R3HDM2: variants seen among roughly 807,000 people sequenced by gnomAD.
R3HDM2 encodes R3H domain-containing protein 2.
R3HDM2 carries 38 observed loss-of-function variants against 124.5 expected under a neutral mutation model. The observed-to-expected ratio is 0.31, with a 90% CI of 0.24 to 0.40. The LOEUF is 0.40. Ranked by LOEUF, R3HDM2 falls within the 10% of genes least tolerant of loss-of-function variation. The pLI is 1.00. For synonymous variants in R3HDM2, 391 were observed against 448.0 expected (o/e 0.87, Z 1.61); for missense variants, 869 against 1,236.9 (o/e 0.70, Z 4.46).
At chr12:57,413,824 G>A (rs558332064) in intron 1 of R3HDM2, among the ~76,000 whole-genome samples, 3 of 148,848 alleles carry the variant, frequency 2.0e-5, no homozygotes, top group Non-Finnish European at 3.0e-5. Flanking sequence ...GACACAGAGA[G>A]TCTTAGATCT....
At chr12:57,384,119 C>A (rs953955152) in intron 2 of R3HDM2, among the ~76,000 whole-genome samples, 7 of 151,888 alleles carry the variant, frequency 4.6e-5, no homozygotes, top group African/African-American at 1.2e-4. Flanking sequence ...CCCAGCACTT[C>A]GGGAGGTCGA....
intron 2 of R3HDM2, among the ~76,000 whole-genome samples, chr12:57,321,222 T>C (rs1410882379): frequency 5.3e-5 from 8 of 152,230 alleles, no homozygotes; most frequent in African/African-American, 1.9e-4. Flanking sequence ...TTTTGGATTA[T>C]GGATGGTCAA....
intron 3 of R3HDM2, among the ~76,000 whole-genome samples, chr12:57,309,284 T>C (rs2053419363): frequency 6.6e-6 from 1 of 152,128 alleles, no homozygotes; most frequent in Admixed American, 6.5e-5. Context: ...ATAAAACCAG[T>C]TTTCACCCCT....
chr12:57,327,152 C>G (rs2057412911), intron 2 of R3HDM2, among the ~76,000 whole-genome samples: 1 of 152,086 alleles, frequency 6.6e-6, no homozygotes, highest in African/African-American at 2.4e-5. Context: ...TTTAGACTTT[C>G]AAGTCTTATT....
intron 1 of R3HDM2, among the ~76,000 whole-genome samples, chr12:57,412,655 G>A (rs1167895149): frequency 1.3e-5 from 2 of 152,080 alleles, no homozygotes; most frequent in Admixed American, 6.6e-5. Flanking sequence ...GATATAAAGA[G>A]GGAAACAACT....
At chr12:57,424,742 T>C (rs2070555469) in intron 1 of R3HDM2, among the ~76,000 whole-genome samples, 1 of 152,080 alleles carries the variant, frequency 6.6e-6, no homozygotes, top group South Asian at 2.1e-4. Context: ...TCTCATTCTG[T>C]CACCCAGGCC....
chr12:57,415,087 A>G (rs776429112), intron 1 of R3HDM2, among the ~76,000 whole-genome samples: 8 of 152,098 alleles, frequency 5.3e-5, no homozygotes, highest in Non-Finnish European at 1.2e-4. Flanking sequence ...ATTTAAGACA[A>G]TTTTTATATT....
intron 1 of R3HDM2, among the ~76,000 whole-genome samples, chr12:57,429,523 G>A (rs975566247): frequency 6.6e-6 from 1 of 152,018 alleles, no homozygotes; most frequent in African/African-American, 2.4e-5. Context: ...AGGAGTTCCA[G>A]ACCAGCCTGG....
At chr12:57,325,924 A>G (rs947590436) in intron 2 of R3HDM2, among the ~76,000 whole-genome samples, 27 of 151,826 alleles carry the variant, frequency 1.8e-4, no homozygotes, top group African/African-American at 5.8e-4. Flanking sequence ...CATTTTTCCA[A>G]CAGCATGTGT....
intron 2 of R3HDM2, among the ~76,000 whole-genome samples, chr12:57,374,212 G>C (rs2063736730): frequency 6.6e-6 from 1 of 152,114 alleles, no homozygotes; most frequent in Non-Finnish European, 1.5e-5. Context: ...CAGCTACTCA[G>C]AAGGCTGAGG....
chr12:57,304,628 T>G (rs2052142327), intron 3 of R3HDM2: 1 of 523,768 alleles, frequency 1.9e-6, no homozygotes, highest in Admixed American at 6.4e-5. Context: ...TCTGTTGCAG[T>G]AAGGGAAGAT....
At chr12:57,266,693 T>C (rs760024757) in intron 19 of R3HDM2, 38 bp downstream of exon 19, 3 of 1,492,450 alleles carry the variant, frequency 2.0e-6, no homozygotes, top group East Asian at 4.5e-5. Flanking sequence ...TGTTTGCTCT[T>C]GTCAGTGCCC....
At chr12:57,321,509 G>T (rs979158696) in intron 2 of R3HDM2, among the ~76,000 whole-genome samples, 3 of 151,990 alleles carry the variant, frequency 2.0e-5, no homozygotes, top group African/African-American at 7.3e-5. Flanking sequence ...AAATTAGCCG[G>T]GTGTGGTGGT....
chr12:57,356,993 C>G (rs933711600), intron 2 of R3HDM2, among the ~76,000 whole-genome samples: 2 of 152,010 alleles, frequency 1.3e-5, no homozygotes, highest in Non-Finnish European at 2.9e-5. Flanking sequence ...GTACCAGCTA[C>G]TCGGGAGGCT....
chr12:57,353,848 T>C (rs1426172848), intron 2 of R3HDM2, among the ~76,000 whole-genome samples: 2 of 152,004 alleles, frequency 1.3e-5, no homozygotes, highest in Non-Finnish European at 2.9e-5. Context: ...GGTAAAAATA[T>C]GTTTTTTTTA....
chr12:57,343,786 A>C (rs1291728313), intron 2 of R3HDM2, among the ~76,000 whole-genome samples: 2 of 138,244 alleles, frequency 1.4e-5, no homozygotes, highest in Non-Finnish European at 3.1e-5. Context: ...AAAAAAAAAA[A>C]CAGGTTCTGG....
chr12:57,262,414 G>A (rs1227422951), intron 19 of R3HDM2, among the ~76,000 whole-genome samples: 2 of 152,210 alleles, frequency 1.3e-5, no homozygotes, highest in Non-Finnish European at 2.9e-5. Context: ...AAGCACCCCT[G>A]TAGAAACCTC....
intron 12 of R3HDM2, among the ~76,000 whole-genome samples, chr12:57,287,118 C>T (rs933046904): frequency 6.6e-6 from 1 of 152,172 alleles, no homozygotes; most frequent in African/African-American, 2.4e-5. Flanking sequence ...GAATCAGCTC[C>T]ATTTTTGCTT....
chr12:57,339,854 T>A (rs2059349238), intron 2 of R3HDM2, among the ~76,000 whole-genome samples: 1 of 152,180 alleles, frequency 6.6e-6, no homozygotes, highest in African/African-American at 2.4e-5. Flanking sequence ...TATCACATTT[T>A]TAATTATCCC....
Sources: gnomAD v4.1 joint callset for allele counts (sites outside exome capture counted in the v4.1 genomes callset) on GRCh38, gnomAD v4.1.1 for gene constraint, MANE v1.5 for transcripts, NCBI Gene and HGNC (gene_info 2026-07-23, HGNC 2026-07-21) for gene names.